The following GABRB1 variants were observed in gnomAD, a reference collection of about 807,000 sequenced individuals.
The protein encoded by GABRB1 is gamma-aminobutyric acid type A receptor subunit beta1, also known as gamma-aminobutyric acid receptor subunit beta-1.
GABRB1 carries 17 observed loss-of-function variants against 51.6 expected under a neutral mutation model. The observed-to-expected ratio is 0.33, with a 90% CI of 0.23 to 0.49. The LOEUF is 0.49. GABRB1 is among the 20% of genes least tolerant of loss of function. GABRB1 has a pLI of 0.99. For missense variants in GABRB1, 410 were observed against 600.6 expected (o/e 0.68, Z 3.32); for synonymous variants, 247 against 218.9 (o/e 1.13, Z -1.14).
chr4:47,087,469 T>C (rs572090044), intron 3 of GABRB1, among the ~76,000 whole-genome samples: 20 of 152,028 alleles, frequency 1.3e-4, no homozygotes, highest in African/African-American at 4.3e-4. Context: ...CCCAGAGGGC[T>C]TCACACAGTG....
chr4:47,070,269 C>T lies in GABRB1; in HGVS notation c.240+37785C>T, dbSNP rs370547030. Among the ~76,000 whole-genome samples, 43 of 152,256 alleles carry T rather than the reference C, an allele frequency of 2.8e-4. No individual in the cohort carries two copies. The South Asian group carries it at 8.1e-3, about 29-fold the overall frequency. ...TAGCCTGGTCTCAAACTCCTGACCT[C>T]GTGAGATCCACCTGCCTTGGCCTCC... On this transcript the variant is annotated intron_variant, in intron 3 of 8. Coordinates refer to ENST00000295454, the MANE Select transcript of GABRB1 (RefSeq NM_000812.4).
chr4:47,372,720 G>A (rs1727241092), intron 5 of GABRB1, among the ~76,000 whole-genome samples: 1 of 152,142 alleles, frequency 6.6e-6, no homozygotes, highest in Non-Finnish European at 1.5e-5. Context: ...AGTGCCAGAT[G>A]TCGATGCTTC....
At chr4:47,044,773 G>A (rs1434074858) in intron 3 of GABRB1, among the ~76,000 whole-genome samples, 1 of 151,872 alleles carries the variant, frequency 6.6e-6, no homozygotes, top group Admixed American at 6.6e-5. Flanking sequence ...CTTGCTATTG[G>A]GGTTTTCATC....
chr4:47,318,530 T>C (rs1724965072), intron 4 of GABRB1, among the ~76,000 whole-genome samples: 1 of 152,096 alleles, frequency 6.6e-6, no homozygotes, highest in Admixed American at 6.5e-5. Flanking sequence ...GATTTATCTC[T>C]GAAACTCTGG....
intron 4 of GABRB1, among the ~76,000 whole-genome samples, chr4:47,301,452 C>G (rs1724256582): frequency 6.8e-6 from 1 of 146,800 alleles, no homozygotes; most frequent in Non-Finnish European, 1.5e-5. Context: ...GCCTGGACAA[C>G]ATAGTGAGAT....
intron 3 of GABRB1, among the ~76,000 whole-genome samples, chr4:47,114,880 G>C (rs557771455): frequency 6.6e-6 from 1 of 152,152 alleles, no homozygotes; most frequent in African/African-American, 2.4e-5. Flanking sequence ...GTGACTGCAC[G>C]CTAAGCTGGT....
intron 4 of GABRB1, among the ~76,000 whole-genome samples, chr4:47,292,940 T>C (rs892383319): frequency 6.6e-6 from 1 of 152,230 alleles, no homozygotes; most frequent in African/African-American, 2.4e-5. Context: ...CTCTTAATAG[T>C]CCAACCTTTT....
At chr4:47,303,923 C>T (rs1417594664) in intron 4 of GABRB1, among the ~76,000 whole-genome samples, 1 of 151,966 alleles carries the variant, frequency 6.6e-6, no homozygotes, top group African/African-American at 2.4e-5. Flanking sequence ...ATTTGTCGTT[C>T]TGTGCTGGGC....
At chr4:47,061,293 A>G (rs933250051) in intron 3 of GABRB1, among the ~76,000 whole-genome samples, 1 of 152,162 alleles carries the variant, frequency 6.6e-6, no homozygotes, top group Admixed American at 6.6e-5. Context: ...TGCTTTTTAA[A>G]AAAATTGGAT....
chr4:47,227,824 C>T (rs954993689), intron 4 of GABRB1, among the ~76,000 whole-genome samples: 7 of 152,134 alleles, frequency 4.6e-5, no homozygotes, highest in Non-Finnish European at 8.8e-5. Context: ...TGAGGACACT[C>T]TCTTTGCCTT....
chr4:47,303,712 A>G (rs1185031622), intron 4 of GABRB1, among the ~76,000 whole-genome samples: 1 of 151,966 alleles, frequency 6.6e-6, no homozygotes, highest in Non-Finnish European at 1.5e-5. Context: ...AATTGTTCTA[A>G]TTCACATATG....
chr4:47,279,363 A>G (rs1723194560), intron 4 of GABRB1, among the ~76,000 whole-genome samples: 1 of 152,198 alleles, frequency 6.6e-6, no homozygotes, highest in Non-Finnish European at 1.5e-5. Context: ...ATAGAATAAA[A>G]TAAGACTGAA....
At chr4:47,049,473 G>A (rs374234237) in intron 3 of GABRB1, among the ~76,000 whole-genome samples, 4 of 152,130 alleles carry the variant, frequency 2.6e-5, no homozygotes, top group African/African-American at 9.7e-5. Context: ...TTCTTCCAGT[G>A]AACACTGAGA....
chr4:47,322,558 T>A (rs932413443), intron 5 of GABRB1, among the ~76,000 whole-genome samples: 2 of 152,128 alleles, frequency 1.3e-5, no homozygotes, highest in African/African-American at 4.8e-5. Context: ...AGAAGTAAAA[T>A]GACTTACCCA....
intron 3 of GABRB1, among the ~76,000 whole-genome samples, chr4:47,044,184 T>A (rs1725983783): frequency 6.6e-6 from 1 of 152,118 alleles, no homozygotes; most frequent in Admixed American, 6.6e-5. Flanking sequence ...TCAACAACTC[T>A]AACTCCATTC....
rs1727878332 is a variant in GABRB1, at chr4:47,388,578, T to G, written c.545-14740T>G. ...GTCCAAATCTGCTGCTGCTTAATTC[T>G]TATGTCAATCAAGAGTGGCTCCATA... is the stretch of plus-strand genomic sequence containing the variant. On this transcript the variant is annotated intron_variant, in intron 5 of 8. Transcript: ENST00000295454. Among the ~76,000 whole-genome samples the G allele has an allele frequency of 2.6e-5, 4 of 152,208 alleles. No homozygotes were observed. In the South Asian group the frequency reaches 8.3e-4, roughly 32 times the overall value.
At chr4:47,394,169 T>C (rs1728101584) in intron 5 of GABRB1, among the ~76,000 whole-genome samples, 1 of 152,240 alleles carries the variant, frequency 6.6e-6, no homozygotes, top group Admixed American at 6.5e-5. Context: ...ATGGAAGCTG[T>C]GTTCTGTCAG....
chr4:47,274,103 T>C (rs10805153), intron 4 of GABRB1, among the ~76,000 whole-genome samples: 97,471 of 151,936 alleles, frequency 0.64, 31,644 homozygotes, highest in South Asian at 0.81. Flanking sequence ...CTCTTCTTCA[T>C]TTTTTCTCAA....
chr4:47,113,889 G>A (rs1388523205), intron 3 of GABRB1, among the ~76,000 whole-genome samples: 3 of 152,174 alleles, frequency 2.0e-5, no homozygotes, highest in East Asian at 3.8e-4. Flanking sequence ...ATAACAGACA[G>A]GATCCATACA....
Sources: allele counts gnomAD v4.1 joint callset (sites outside exome capture counted in the v4.1 genomes callset), GRCh38; gene constraint gnomAD v4.1.1; transcripts MANE v1.5; gene names NCBI Gene and HGNC (gene_info 2026-07-23, HGNC 2026-07-21).